ME3: variants seen among roughly 807,000 people sequenced by gnomAD.
The protein encoded by ME3 is NADP-dependent malic enzyme, mitochondrial.
In ME3, 48 loss-of-function variants were observed where a neutral mutation model predicts 68.9. That is an observed-to-expected ratio of 0.70 (90% CI 0.55 to 0.89). ME3 has a LOEUF of 0.89. Among genes scored for constraint, ME3 ranks in the 40% least tolerant of loss-of-function variants. The pLI is 0.00. For missense variants in ME3, 675 were observed against 797.4 expected (o/e 0.85, Z 1.85); for synonymous variants, 320 against 318.8 (o/e 1.00, Z -0.04).
chr11:86,639,495 C>T (rs1485914779), intron 2 of ME3, among the ~76,000 whole-genome samples: 1 of 141,340 alleles, frequency 7.1e-6, no homozygotes, highest in Admixed American at 6.9e-5. Context: ...ATCTAAGCAT[C>T]CGTATCCAGG....
At chr11:86,557,468 G>A (rs1046761398) in intron 3 of ME3, among the ~76,000 whole-genome samples, 5 of 152,202 alleles carry the variant, frequency 3.3e-5, no homozygotes, top group Non-Finnish European at 7.3e-5. Context: ...CTGGCATGAG[G>A]TGGGATGGGA....
At chr11:86,634,102 G>C (rs1944184666) in intron 2 of ME3, among the ~76,000 whole-genome samples, 1 of 152,022 alleles carries the variant, frequency 6.6e-6, no homozygotes, top group African/African-American at 2.4e-5. Context: ...CAGCCATTTT[G>C]GGCATGAGGA....
intron 2 of ME3, among the ~76,000 whole-genome samples, chr11:86,648,210 T>A (rs1945159775): frequency 1.3e-5 from 2 of 152,132 alleles, no homozygotes; most frequent in Non-Finnish European, 2.9e-5. Context: ...TTGAAACCAG[T>A]GAGAACAAAG....
At chr11:86,544,504 CCAT>C (rs1956244842) in intron 4 of ME3, among the ~76,000 whole-genome samples, 1 of 152,162 alleles carries the variant, frequency 6.6e-6, no homozygotes, top group Admixed American at 6.5e-5. Flanking sequence ...GTACAAACTA[CCAT>C]AAGAGAATAC....
intron 2 of ME3, among the ~76,000 whole-genome samples, chr11:86,598,206 G>T (rs887332829): frequency 6.6e-6 from 1 of 152,186 alleles, no homozygotes; most frequent in Non-Finnish European, 1.5e-5. Context: ...AAGGAAAGGG[G>T]TGAGAGAATG....
At chr11:86,606,924 A>G (rs923184763) in intron 2 of ME3, among the ~76,000 whole-genome samples, 2 of 152,228 alleles carry the variant, frequency 1.3e-5, no homozygotes, top group African/African-American at 4.8e-5. Context: ...CAGCAAATTC[A>G]TTCAGGATTC....
chr11:86,661,658 G>T (rs749731722), intron 2 of ME3, among the ~76,000 whole-genome samples: 1 of 152,084 alleles, frequency 6.6e-6, no homozygotes, highest in Non-Finnish European at 1.5e-5. Flanking sequence ...CACTTCCACA[G>T]GTGTCAGCCT....
chr11:86,670,722 C>G (rs1399236360), intron 2 of ME3, among the ~76,000 whole-genome samples: 1 of 152,064 alleles, frequency 6.6e-6, no homozygotes, highest in African/African-American at 2.4e-5. Flanking sequence ...TACAGACTGC[C>G]TCACCTGAAT....
intron 7 of ME3, among the ~76,000 whole-genome samples, chr11:86,469,360 G>C (rs1477847329): frequency 2.0e-5 from 3 of 152,154 alleles, no homozygotes; most frequent in African/African-American, 7.2e-5. Flanking sequence ...GAAAATATGG[G>C]GGGTGAGTGT....
chr11:86,589,888 C>A (rs553560201), intron 2 of ME3, among the ~76,000 whole-genome samples: 1 of 152,206 alleles, frequency 6.6e-6, no homozygotes, highest in Admixed American at 6.5e-5. Context: ...CTACTTGGCA[C>A]CTGCATGTCC....
At chr11:86,462,884 A>G (rs193128440) in intron 8 of ME3, among the ~76,000 whole-genome samples, 2 of 152,262 alleles carry the variant, frequency 1.3e-5, no homozygotes, top group Admixed American at 6.5e-5. Flanking sequence ...CTGGGTCTTT[A>G]AGGGTGAGTA....
chr11:86,560,587 TAG>T lies in ME3; in HGVS notation c.184-766_184-765del, dbSNP rs528661617. On this transcript the variant is annotated intron_variant, in intron 2 of 14. Coordinates refer to ENST00000543262, the Ensembl canonical transcript of ME3. ...TTTGACATTAGTATTATACGTTCAT[TAG>T]AGTCAATGAACCAGTAATGATCCAT... 7.6e-4 allele frequency among the ~76,000 whole-genome samples: 115 copies of T among 151,876 alleles called. 1 individual carries two copies. Among genetic ancestry groups the T allele is most frequent in the African/African-American group, 2.7e-3 (112 of 41,386 alleles).
At chr11:86,536,932 T>C (rs532181313) in intron 4 of ME3, among the ~76,000 whole-genome samples, 3 of 152,000 alleles carry the variant, frequency 2.0e-5, no homozygotes, top group Non-Finnish European at 2.9e-5. Context: ...GTGACACATA[T>C]ACACCATGGA....
intron 2 of ME3, among the ~76,000 whole-genome samples, chr11:86,646,515 A>C: frequency 6.6e-6 from 1 of 152,234 alleles, no homozygotes; most frequent in Admixed American, 6.5e-5. Flanking sequence ...AAGAATGAAA[A>C]GTAACAAACA....
intron 4 of ME3, among the ~76,000 whole-genome samples, chr11:86,533,054 A>G (rs1955378409): frequency 6.7e-6 from 1 of 149,680 alleles, no homozygotes; most frequent in Non-Finnish European, 1.5e-5. Context: ...GGGGTCTCCA[A>G]AAAAAAAAAG....
At chr11:86,530,764 A>T (rs1328201000) in intron 4 of ME3, among the ~76,000 whole-genome samples, 1 of 152,246 alleles carries the variant, frequency 6.6e-6, no homozygotes, top group African/African-American at 2.4e-5. Context: ...TTCCCTATTT[A>T]ATAAATGGTG....
At chr11:86,525,380 G>C (rs1409415450) in intron 4 of ME3, among the ~76,000 whole-genome samples, 1 of 151,962 alleles carries the variant, frequency 6.6e-6, no homozygotes, top group East Asian at 1.9e-4. Flanking sequence ...AGGAAGAAAG[G>C]AACAGAGGAT....
intron 7 of ME3, among the ~76,000 whole-genome samples, chr11:86,476,462 A>G (rs1229708055): frequency 6.6e-6 from 1 of 152,098 alleles, no homozygotes; most frequent in Admixed American, 6.5e-5. Context: ...TCTCAGAGCA[A>G]TTTTGCAGCT....
intron 8 of ME3, among the ~76,000 whole-genome samples, chr11:86,452,507 A>G (rs1949690017): frequency 6.6e-6 from 1 of 152,196 alleles, no homozygotes; most frequent in Non-Finnish European, 1.5e-5. Context: ...TCCTTCAGAA[A>G]TGAAGGTTTG....
Sources: allele counts gnomAD v4.1 joint callset (sites outside exome capture counted in the v4.1 genomes callset), GRCh38; gene constraint gnomAD v4.1.1; transcripts MANE v1.5; gene names NCBI Gene and HGNC (gene_info 2026-07-23, HGNC 2026-07-21).